SMG9: variants seen among roughly 807,000 people sequenced by gnomAD.
SMG9 encodes SMG9 nonsense mediated mRNA decay factor.
In SMG9, 55 loss-of-function variants were observed where a neutral mutation model predicts 64.0. The ratio of observed to expected loss-of-function variants is 0.86; its 90% CI spans 0.69 to 1.08. The LOEUF (loss-of-function observed/expected upper bound fraction) is 1.08, where lower values mean the gene tolerates loss of function less well. SMG9 is among the 50% of genes least tolerant of loss of function. The pLI, the probability that SMG9 is intolerant of heterozygous loss-of-function variation, is 0.00. For missense variants in SMG9, 554 were observed against 681.3 expected (o/e 0.81, Z 2.08); for synonymous variants, 244 against 254.8 (o/e 0.96, Z 0.41).
At chr19:43,753,268 C>T (rs575465471) in intron 1 of SMG9, among the ~76,000 whole-genome samples, 1 of 152,204 alleles carries the variant, frequency 6.6e-6, no homozygotes, top group South Asian at 2.1e-4. Context: ...TGGAGATTCT[C>T]CCCAGAATCT....
intron 9 of SMG9, among the ~76,000 whole-genome samples, chr19:43,737,227 T>G (rs1337307263): frequency 6.6e-6 from 1 of 151,984 alleles, no homozygotes; most frequent in East Asian, 1.9e-4. Context: ...GAGCCGAGAT[T>G]GTACCACTGC....
intron 9 of SMG9, among the ~76,000 whole-genome samples, chr19:43,737,239 C>G (rs951219782): frequency 6.6e-6 from 1 of 151,946 alleles, no homozygotes; most frequent in African/African-American, 2.4e-5. Flanking sequence ...TACCACTGCA[C>G]TCCAGCCTGG....
In SMG9 at chr19:43,731,526, G is replaced by A; in HGVS notation, c.*70C>T. ...CCGCTCTCCACCCCAGCGGGGGATG[G>A]ACATCTGTGCTCCCTCGCAGTACAC... On this transcript the variant is annotated 3_prime_UTR_variant, in exon 14 of 14. Coordinates refer to ENST00000270066, the MANE Select transcript of SMG9 (RefSeq NM_019108.4). 2 of 1,599,724 alleles carry A rather than the reference G, an allele frequency of 1.3e-6. No individual in the cohort carries two copies. The highest frequency in any genetic ancestry group is 1.7e-6 in the Non-Finnish European group (2 of 1,170,684).
intron 2 of SMG9, among the ~76,000 whole-genome samples, chr19:43,749,979 G>A (rs1304638925): frequency 2.0e-5 from 3 of 152,186 alleles, no homozygotes; most frequent in African/African-American, 7.2e-5. Context: ...AGCTGTAAGG[G>A]TTCAGGAAGA....
intron 9 of SMG9, 100 bp from the exon 10 acceptor site, chr19:43,734,595 C>T: frequency 2.7e-6 from 2 of 740,268 alleles, no homozygotes; most frequent in South Asian, 3.4e-5. Context: ...AAAGCTACAG[C>T]CATGCTCAGA....
intron 9 of SMG9, among the ~76,000 whole-genome samples, 176 bp downstream of exon 9, chr19:43,737,421 G>A (rs528641212): frequency 3.0e-4 from 46 of 152,322 alleles, no homozygotes; most frequent in Admixed American, 4.6e-4. Flanking sequence ...AGTCAGTGGA[G>A]GGCTGTGTGT....
chr19:43,734,851 T>C (rs1968606193), intron 9 of SMG9: 2 of 187,506 alleles, frequency 1.1e-5, no homozygotes, highest in South Asian at 2.8e-4. Context: ...ACCTGAATGG[T>C]TCATTTAAGA....
Position 43,731,383 on chromosome 19 carries a change from G to A in SMG9, c.*213C>T, listed in dbSNP as rs12669. 293,188 of 1,375,896 alleles carry A rather than the reference G, an allele frequency of 0.21. 31,915 individuals carry two copies. The highest frequency in any genetic ancestry group is 0.25 in the African/African-American group (17,034 of 67,574). The allele number at this position is 1,375,896 out of a possible 1,614,324, so 85.2% of individuals were successfully genotyped here. A position where few individuals can be genotyped will look rare whatever the true frequency, so the allele number is the denominator to read the frequency against. On this transcript the variant is annotated 3_prime_UTR_variant, in exon 14 of 14. Transcript: ENST00000270066. ...ACGGGCTACCCCATCTCAGGTTTGG[G>A]GTGGGATCGCTCACAGTCACCCCCG...
intron 1 of SMG9, among the ~76,000 whole-genome samples, chr19:43,752,331 C>T (rs1969215681): frequency 6.6e-6 from 1 of 152,250 alleles, no homozygotes; most frequent in African/African-American, 2.4e-5. Context: ...CAGCTGTTCA[C>T]ACATCAGTCT....
chr19:43,750,175 C>G (rs932877424), intron 2 of SMG9: 2 of 523,904 alleles, frequency 3.8e-6, no homozygotes, highest in Non-Finnish European at 7.6e-6. Context: ...CTACCAGGTC[C>G]TACATGATTT....
intron 6 of SMG9, 83 bp from the exon 7 acceptor site, chr19:43,740,301 G>C: frequency 9.8e-7 from 1 of 1,018,500 alleles, no homozygotes; most frequent in Non-Finnish European, 1.6e-6. Flanking sequence ...TGTGAGCTGA[G>C]CATGTGAGCC....
chr19:43,733,774 C>T (rs753789861), intron 10 of SMG9, 41 bp from the exon 11 acceptor site: 1 of 1,535,360 alleles, frequency 6.5e-7, no homozygotes, highest in Non-Finnish European at 9.0e-7. Flanking sequence ...GCAGACATCG[C>T]TTGGCTTCAT....
intron 9 of SMG9, 46 bp downstream of exon 9, chr19:43,737,551 C>T (rs770192762): frequency 1.9e-6 from 3 of 1,550,544 alleles, no homozygotes; most frequent in Non-Finnish European, 2.6e-6. Context: ...GCCTTTGTCT[C>T]CTGCCTCATT....
At chr19:43,744,063 T>C (rs776438953) in intron 6 of SMG9, among the ~76,000 whole-genome samples, 4 of 152,200 alleles carry the variant, frequency 2.6e-5, no homozygotes, top group Non-Finnish European at 4.4e-5. Context: ...CTGCCCCCAG[T>C]TTCGGGACCT....
At chr19:43,750,445 C>T in intron 2 of SMG9, 147 bp downstream of exon 2, 1 of 972,504 alleles carries the variant, frequency 1.0e-6, no homozygotes, top group South Asian at 1.6e-5. Flanking sequence ...GAACAGTCTC[C>T]TTTATCACTC....
In SMG9 at chr19:43,729,595, T is replaced by C. The variant is rs1968407613; in HGVS notation, c.*2001A>G. ...GCCGTCTTGCCTTGGGTCTCCCATC[T>C]TTCTCTGGCCGTTGCCCCCACCACC... On this transcript the variant is annotated 3_prime_UTR_variant, in exon 14 of 14. Transcript: ENST00000270066. 1 of 152,420 alleles carries C rather than the reference T, an allele frequency of 6.6e-6. No homozygotes were observed. Among genetic ancestry groups the C allele is most frequent in the Admixed American group, 6.5e-5 (1 of 15,286 alleles). 9.4% of individuals were successfully genotyped at this position (152,420 alleles called of 1,614,324 possible).
At position 43,754,900 on chromosome 19, in the gene SMG9, G is replaced by A. The variant is rs1389972520; in HGVS notation, c.-253C>T. ...AGGATGTAACGCGGGCCCGAGCTGAGATCAGTTCCCTCAGGCGACTCGTCC... is the reference window on the plus strand; with the variant it reads ...AGGATGTAACGCGGGCCCGAGCTGAAATCAGTTCCCTCAGGCGACTCGTCC... On this transcript the variant is annotated 5_prime_UTR_variant, in exon 1 of 14. Coordinates refer to ENST00000270066, the MANE Select transcript of SMG9 (RefSeq NM_019108.4). 6.6e-6 allele frequency: 1 copy of A among 152,328 alleles called. No individual in the cohort carries two copies. The highest frequency in any genetic ancestry group is 2.4e-5 in the African/African-American group (1 of 41,462). 9.4% of individuals were successfully genotyped at this position (152,328 alleles called of 1,614,324 possible). A position where few individuals can be genotyped will look rare whatever the true frequency, so the allele number is the denominator to read the frequency against.
intron 5 of SMG9, among the ~76,000 whole-genome samples, chr19:43,746,195 G>C (rs771805676): frequency 2.2e-4 from 33 of 152,068 alleles, no homozygotes; most frequent in Non-Finnish European, 3.7e-4. Context: ...CAAATCCTGG[G>C]CCCAATCAGG....
rs575674762 is a variant in SMG9, at chr19:43,754,658, C to A, written c.-11G>T. 386 of 152,128 alleles carry A rather than the reference C, an allele frequency of 2.5e-3. 1 individual carries two copies. Among genetic ancestry groups the A allele is most frequent in the African/African-American group, 8.7e-3 (362 of 41,524 alleles). 9.4% of individuals were successfully genotyped at this position (152,128 alleles called of 1,614,324 possible). On this transcript the variant is annotated 5_prime_UTR_variant, in exon 1 of 14. Coordinates refer to ENST00000270066, the MANE Select transcript of SMG9 (RefSeq NM_019108.4). ...GCGGGCTCGCGGCCCCCTTACCTAA[C>A]GCGGCTGCTGATTGGTTCTCGGGGC...
Sources: gnomAD v4.1 joint callset for allele counts (sites outside exome capture counted in the v4.1 genomes callset) on GRCh38, gnomAD v4.1.1 for gene constraint, MANE v1.5 for transcripts, NCBI Gene and HGNC (gene_info 2026-07-23, HGNC 2026-07-21) for gene names.